The following PDE7B variants were observed in gnomAD, a reference collection of about 807,000 sequenced individuals.
PDE7B encodes the protein phosphodiesterase 7B.
PDE7B carries 29 observed loss-of-function variants against 56.2 expected under a neutral mutation model. The ratio of observed to expected loss-of-function variants is 0.52; its 90% CI spans 0.38 to 0.70. The LOEUF is 0.70. Ranked by LOEUF, PDE7B falls within the 30% of genes least tolerant of loss-of-function variation. PDE7B has a pLI of 0.00. For synonymous variants in PDE7B, 197 were observed against 196.9 expected (o/e 1.00, Z 0.00); for missense variants, 490 against 565.0 (o/e 0.87, Z 1.35).
chr6:135,991,442 A>G (rs1246661975), intron 2 of PDE7B, among the ~76,000 whole-genome samples: 2 of 152,098 alleles, frequency 1.3e-5, no homozygotes, highest in Admixed American at 1.3e-4. Context: ...AAAATTTTTA[A>G]AAAAAGAAAG....
intron 2 of PDE7B, among the ~76,000 whole-genome samples, chr6:136,004,781 A>G (rs536349139): frequency 2.0e-5 from 3 of 152,178 alleles, no homozygotes; most frequent in Non-Finnish European, 4.4e-5. Flanking sequence ...ATACTGCCCA[A>G]GGTAATTTAT....
At chr6:136,142,734 C>T (rs967674872) in intron 3 of PDE7B, among the ~76,000 whole-genome samples, 1 of 151,982 alleles carries the variant, frequency 6.6e-6, no homozygotes, top group Non-Finnish European at 1.5e-5. Flanking sequence ...TTGATCTTTG[C>T]TGGTTTAAAG....
intron 1 of PDE7B, among the ~76,000 whole-genome samples, chr6:135,930,772 T>C (rs1490528986): frequency 6.6e-6 from 1 of 152,152 alleles, no homozygotes; most frequent in Non-Finnish European, 1.5e-5. Context: ...ATATTCAGCT[T>C]CCGTATATCT....
At chr6:135,976,001 A>G (rs1775179769) in intron 2 of PDE7B, among the ~76,000 whole-genome samples, 1 of 152,128 alleles carries the variant, frequency 6.6e-6, no homozygotes, top group African/African-American at 2.4e-5. Context: ...CTTTACAGAA[A>G]AGCAAAGTCT....
In PDE7B at chr6:136,195,455, G is replaced by GAAAAAAAAAAAAAAA. The variant is rs559769128; in HGVS notation, c.*3623_*3637dup. 2.5e-4 allele frequency: 17 copies of GAAAAAAAAAAAAAAA among 68,970 alleles called. No individual in the cohort carries two copies. The highest frequency in any genetic ancestry group is 6.0e-4 in the African/African-American group (14 of 23,278). The allele number at this position is 68,970 out of a possible 1,614,324, so 4.3% of individuals were successfully genotyped here. On this transcript the variant is annotated 3_prime_UTR_variant, in exon 13 of 13. Coordinates refer to ENST00000308191, the MANE Select transcript of PDE7B (RefSeq NM_018945.4). ...CATTTTGTATACACATGTGAGGTTT[G>GAAAAAAAAAAAAAAA]AAAAAAAAAAAAAAAAAAAAAAGAA...
At chr6:135,991,433 A>C (rs865796710) in intron 2 of PDE7B, among the ~76,000 whole-genome samples, 1 of 152,156 alleles carries the variant, frequency 6.6e-6, no homozygotes, top group South Asian at 2.1e-4. Flanking sequence ...AATTAAAATA[A>C]AATTTTTAAA....
At chr6:135,877,621 C>A (rs899993282) in intron 1 of PDE7B, among the ~76,000 whole-genome samples, 2 of 152,032 alleles carry the variant, frequency 1.3e-5, no homozygotes, top group Non-Finnish European at 2.9e-5. Flanking sequence ...AAAACCCTAA[C>A]CCTATACCAG....
rs572643217 is a variant in PDE7B, at chr6:136,027,010, T to A, written c.82+79486T>A. On this transcript the variant is annotated intron_variant, in intron 2 of 12. Transcript: ENST00000308191. ...GCCTTCGTAATTGGATTAGCACCTTTATAGAAAGAGACACCAGAGAGCTTG... is the reference window on the plus strand; with the variant it reads ...GCCTTCGTAATTGGATTAGCACCTTAATAGAAAGAGACACCAGAGAGCTTG... 1.1e-4 allele frequency among the ~76,000 whole-genome samples: 16 copies of A among 152,292 alleles called. No homozygotes were observed. In the South Asian group the frequency reaches 1.2e-3, roughly 12 times the overall value.
chr6:135,999,240 A>G (rs1385949562), intron 2 of PDE7B, among the ~76,000 whole-genome samples: 2 of 152,214 alleles, frequency 1.3e-5, no homozygotes, highest in East Asian at 1.9e-4. Flanking sequence ...TTCATAAGCT[A>G]TAGAACCTTT....
At chr6:136,079,331 C>T (rs1376436665) in intron 2 of PDE7B, among the ~76,000 whole-genome samples, 1 of 152,182 alleles carries the variant, frequency 6.6e-6, no homozygotes, top group African/African-American at 2.4e-5. Flanking sequence ...CTATTTTACA[C>T]ATTAAGACTG....
chr6:135,945,662 A>G (rs900846730), intron 1 of PDE7B, among the ~76,000 whole-genome samples: 4 of 152,186 alleles, frequency 2.6e-5, no homozygotes, highest in African/African-American at 7.2e-5. Flanking sequence ...TATATAATGT[A>G]TAGTTACAAC....
chr6:135,931,451 C>CAAAG (rs2128197031), intron 1 of PDE7B, among the ~76,000 whole-genome samples: 2 of 152,230 alleles, frequency 1.3e-5, no homozygotes, highest in East Asian at 3.9e-4. Flanking sequence ...GTTTCACTAA[C>CAAAG]AAAGGGCTCT....
At chr6:136,091,858 G>A (rs1440035876) in intron 2 of PDE7B, among the ~76,000 whole-genome samples, 1 of 152,116 alleles carries the variant, frequency 6.6e-6, no homozygotes, top group Non-Finnish European at 1.5e-5. Context: ...GATACAGATG[G>A]TAGAATCTTG....
rs565153677 is a variant in PDE7B, at chr6:136,009,565, G to A, written c.82+62041G>A. Among the ~76,000 whole-genome samples, 24 of 152,156 alleles carry A rather than the reference G, an allele frequency of 1.6e-4. No individual in the cohort carries two copies. In the East Asian group the frequency reaches 4.6e-3, roughly 29 times the overall value. The stretch of plus-strand genomic sequence containing the variant: ...AGGTCCTTCACATCCCTTGTAAGTT[G>A]GATTCCTAGGTATTTTATTCTCTTT... On this transcript the variant is annotated intron_variant, in intron 2 of 12. Coordinates refer to ENST00000308191, the MANE Select transcript of PDE7B (RefSeq NM_018945.4).
intron 2 of PDE7B, chr6:136,049,216 C>T (rs536841735): frequency 6.6e-6 from 1 of 152,572 alleles, no homozygotes; most frequent in Non-Finnish European, 1.5e-5. Context: ...AATCCTTCCT[C>T]CTCTGCCTCC....
intron 6 of PDE7B, among the ~76,000 whole-genome samples, chr6:136,152,195 A>T (rs9494456): frequency 6.6e-6 from 1 of 151,882 alleles, no homozygotes; most frequent in East Asian, 1.9e-4. Flanking sequence ...ATAATAAATT[A>T]TATATAAAGA....
chr6:136,009,545 C>T (rs1405929080), intron 2 of PDE7B, among the ~76,000 whole-genome samples: 1 of 152,056 alleles, frequency 6.6e-6, no homozygotes, highest in East Asian at 1.9e-4. Flanking sequence ...TGAAGAGGTC[C>T]TTCACATCCC....
intron 1 of PDE7B, among the ~76,000 whole-genome samples, chr6:135,869,455 G>A (rs1775331530): frequency 6.6e-6 from 1 of 152,096 alleles, no homozygotes; most frequent in Non-Finnish European, 1.5e-5. Flanking sequence ...CATAAAGTCA[G>A]TACTTTTAGG....
intron 1 of PDE7B, among the ~76,000 whole-genome samples, chr6:135,908,773 G>A (rs1776160977): frequency 1.3e-5 from 2 of 152,124 alleles, no homozygotes; most frequent in Non-Finnish European, 2.9e-5. Context: ...ACAATAATAT[G>A]CTGCTTGGGG....
Sources: allele counts gnomAD v4.1 joint callset (sites outside exome capture counted in the v4.1 genomes callset), GRCh38; gene constraint gnomAD v4.1.1; transcripts MANE v1.5; gene names NCBI Gene and HGNC (gene_info 2026-07-23, HGNC 2026-07-21).